PRKN: variants seen among roughly 807,000 people sequenced by gnomAD.
PRKN encodes parkin RBR E3 ubiquitin protein ligase.
PRKN carries 56 observed loss-of-function variants against 59.5 expected under a neutral mutation model. The ratio of observed to expected loss-of-function variants is 0.94; its 90% CI spans 0.76 to 1.18. The LOEUF is 1.18. Ranked by LOEUF, PRKN falls within the 50% of genes most tolerant of loss-of-function variation. The probability of loss-of-function intolerance (pLI) is 0.00; values close to 1 mark genes in which losing one functional copy is unlikely to be tolerated. For synonymous variants in PRKN, 250 were observed against 222.1 expected (o/e 1.13, Z -1.12); for missense variants, 657 against 596.4 (o/e 1.10, Z -1.06).
At chr6:162,368,271 GCTT>G (rs1302770523) in intron 2 of PRKN, among the ~76,000 whole-genome samples, 1 of 152,056 alleles carries the variant, frequency 6.6e-6, no homozygotes, top group Non-Finnish European at 1.5e-5. Flanking sequence ...TCAAAACCGG[GCTT>G]CTTATGACTC....
At chr6:161,625,372 A>G (rs969490856) in intron 7 of PRKN, among the ~76,000 whole-genome samples, 5 of 140,954 alleles carry the variant, frequency 3.5e-5, no homozygotes, top group Admixed American at 2.1e-4. Context: ...ATGAGAACAT[A>G]TGGACAGAGG....
intron 2 of PRKN, chr6:162,263,402 C>T (rs1170408315): frequency 1.8e-5 from 3 of 165,048 alleles, no homozygotes; most frequent in Admixed American, 5.6e-5. Flanking sequence ...CCACACACAC[C>T]GCTCCACGGG....
chr6:162,110,474 C>T (rs957444932), intron 4 of PRKN, among the ~76,000 whole-genome samples: 16 of 152,156 alleles, frequency 1.1e-4, no homozygotes, highest in Non-Finnish European at 2.2e-4. Context: ...GTTCATTTTT[C>T]TCAAACTGTT....
chr6:161,829,456 C>T lies in PRKN; in HGVS notation c.735-43548G>A, dbSNP rs141726555. Among the ~76,000 whole-genome samples the T allele has an allele frequency of 7.2e-3, 1,096 of 152,244 alleles. 11 individuals carry two copies. Among genetic ancestry groups the T allele is most frequent in the Middle Eastern group, 0.02 (6 of 294 alleles). ...GAATCTAGGCTTTTGGCGGTTTTCA[C>T]TGATCTTTAGGCTCTCTGTGCTCCC... On this transcript the variant is annotated intron_variant, in intron 6 of 11. Coordinates refer to ENST00000366898, the MANE Select transcript of PRKN (RefSeq NM_004562.3).
At chr6:162,024,787 T>C (rs1258225850) in intron 5 of PRKN, among the ~76,000 whole-genome samples, 1 of 152,100 alleles carries the variant, frequency 6.6e-6, no homozygotes. Context: ...GAATTTTGAG[T>C]TCATCGAAGA....
intron 5 of PRKN, among the ~76,000 whole-genome samples, chr6:162,005,086 T>G (rs1034302939): frequency 2.6e-5 from 4 of 152,216 alleles, no homozygotes; most frequent in Non-Finnish European, 5.9e-5. Flanking sequence ...AATCTGAAGA[T>G]ATGCCTGAAA....
At chr6:161,615,732 GGAA>G (rs1782668987) in intron 7 of PRKN, among the ~76,000 whole-genome samples, 3 of 152,196 alleles carry the variant, frequency 2.0e-5, no homozygotes, top group Non-Finnish European at 1.5e-5. Context: ...GAGTTCCTAA[GGAA>G]GCTTTTGCCT....
chr6:162,038,730 C>T (rs2851401), intron 5 of PRKN, among the ~76,000 whole-genome samples: 79,540 of 152,030 alleles, frequency 0.52, 20,881 homozygotes, highest in East Asian at 0.68. Context: ...TACTTAGAAA[C>T]CTAAGAGACC....
In PRKN at chr6:162,727,694, GGCCAGGAACAGGCCCATGCGCGCAGCGGC is replaced by G; in HGVS notation, c.-55_-27del. The G allele has an allele frequency of 1.3e-6, 2 of 1,568,658 alleles. No individual in the cohort carries two copies. Among genetic ancestry groups the G allele is most frequent in the Non-Finnish European group, 1.7e-6 (2 of 1,158,018 alleles). ...GGTCACTGGGTAGGTGGCGGCTGCG[GGCCAGGAACAGGCCCATGCGCGCAGCGGC>G]GCCAGCCGCGCCTCCCACCAGCGGC... is the stretch of plus-strand genomic sequence containing the variant. On this transcript the variant is annotated 5_prime_UTR_variant, in exon 1 of 12. An upstream start codon of the reference 5' UTR is lost. Coordinates refer to ENST00000366898, the MANE Select transcript of PRKN (RefSeq NM_004562.3).
chr6:161,452,988 G>A (rs1359367636), intron 9 of PRKN, among the ~76,000 whole-genome samples: 1 of 151,984 alleles, frequency 6.6e-6, no homozygotes, highest in Non-Finnish European at 1.5e-5. Context: ...GGTCACGTCA[G>A]GCTTAATAAA....
At chr6:162,395,103 GAT>G (rs1787410160) in intron 2 of PRKN, among the ~76,000 whole-genome samples, 1 of 152,110 alleles carries the variant, frequency 6.6e-6, no homozygotes, top group Admixed American at 6.5e-5. Flanking sequence ...TATAAAAAGA[GAT>G]ATCCTGGCTG....
rs75361505 is a variant in PRKN, at chr6:161,711,044, G to A, written c.871+74728C>T. Among the ~76,000 whole-genome samples the A allele has an allele frequency of 1.6e-3, 234 of 149,278 alleles. 1 individual carries two copies. Among genetic ancestry groups the A allele is most frequent in the African/African-American group, 5.6e-3 (225 of 40,430 alleles). On this transcript the variant is annotated intron_variant, in intron 7 of 11. Coordinates refer to ENST00000366898, the MANE Select transcript of PRKN (RefSeq NM_004562.3). ...TGGAGAAAGGATATTTCTTATTCCC[G>A]TTGATCTGAAAGACAAACTAGATAA...
intron 5 of PRKN, among the ~76,000 whole-genome samples, chr6:162,043,871 A>G (rs1425833956): frequency 6.6e-6 from 1 of 152,222 alleles, no homozygotes; most frequent in Non-Finnish European, 1.5e-5. Flanking sequence ...ATTTCAGTCA[A>G]CCACTAAGCA....
intron 7 of PRKN, among the ~76,000 whole-genome samples, chr6:161,687,069 G>C (rs1486334026): frequency 6.6e-6 from 1 of 152,058 alleles, no homozygotes; most frequent in Admixed American, 6.6e-5. Context: ...AGTAGAAATG[G>C]AATGGACAAT....
intron 1 of PRKN, among the ~76,000 whole-genome samples, chr6:162,634,960 T>G (rs910854158): frequency 1.3e-5 from 2 of 152,248 alleles, no homozygotes; most frequent in African/African-American, 4.8e-5. Flanking sequence ...TAAACATTTA[T>G]GTTCCTTTTA....
chr6:162,641,319 T>C (rs1259239393), intron 1 of PRKN, among the ~76,000 whole-genome samples: 2 of 152,032 alleles, frequency 1.3e-5, no homozygotes, highest in East Asian at 3.9e-4. Context: ...AACACAAAGA[T>C]AGCATTAGAT....
chr6:162,510,194 A>G (rs1777534083), intron 1 of PRKN, among the ~76,000 whole-genome samples: 1 of 152,224 alleles, frequency 6.6e-6, no homozygotes, highest in Non-Finnish European at 1.5e-5. Context: ...AGACGTTTTT[A>G]TTTACTTAAT....
At chr6:161,600,925 C>A (rs1347332151) in intron 7 of PRKN, among the ~76,000 whole-genome samples, 2 of 152,152 alleles carry the variant, frequency 1.3e-5, no homozygotes, top group Admixed American at 6.5e-5. Flanking sequence ...AAAAAATAAA[C>A]CAAACTCCTA....
intron 1 of PRKN, among the ~76,000 whole-genome samples, chr6:162,580,621 G>T (rs1327243577): frequency 2.0e-5 from 3 of 151,768 alleles, no homozygotes; most frequent in African/African-American, 7.3e-5. Context: ...GAACAGGCAA[G>T]AAAATATTTT....
Sources: gnomAD v4.1 joint callset for allele counts (sites outside exome capture counted in the v4.1 genomes callset) on GRCh38, gnomAD v4.1.1 for gene constraint, MANE v1.5 for transcripts, NCBI Gene and HGNC (gene_info 2026-07-23, HGNC 2026-07-21) for gene names.